Variants in BRD10 observed in about 807,000 individuals in gnomAD.
BRD10 encodes the protein uncharacterized bromodomain-containing protein 10.
the BRD10 span, among the ~76,000 whole-genome samples, chr9:5,976,827 A>G: frequency 2.6e-5 from 4 of 152,158 alleles, no homozygotes; most frequent in East Asian, 7.7e-4. Context: ...CATGACTAAC[A>G]TCAATGAAAT....
At chr9:5,948,918 TATC>T in the BRD10 span, among the ~76,000 whole-genome samples, 5 of 152,124 alleles carry the variant, frequency 3.3e-5, no homozygotes, top group African/African-American at 9.7e-5. Context: ...TTTTATTTCT[TATC>T]ATCACCATAC....
the BRD10 span, chr9:6,008,328 C>T: frequency 3.0e-6 from 3 of 984,816 alleles, no homozygotes; most frequent in Admixed American, 1.8e-4. Flanking sequence ...CGGGGCCCGG[C>T]GACAACTGTC....
the BRD10 span, among the ~76,000 whole-genome samples, chr9:5,957,406 T>C: frequency 6.6e-6 from 1 of 152,112 alleles, no homozygotes; most frequent in African/African-American, 2.4e-5. Flanking sequence ...AAGCTCCAAG[T>C]GACATACTGC....
the BRD10 span, among the ~76,000 whole-genome samples, chr9:5,943,612 T>C: frequency 1.3e-5 from 2 of 150,240 alleles, no homozygotes; most frequent in Non-Finnish European, 3.0e-5. Context: ...ATTTGAGGAA[T>C]ATATCACAGC....
chr9:6,000,941 G>C, the BRD10 span, among the ~76,000 whole-genome samples: 1 of 152,076 alleles, frequency 6.6e-6, no homozygotes, highest in African/African-American at 2.4e-5. Context: ...CCTTCAGCAA[G>C]TTACCCTCTA....
the BRD10 span, among the ~76,000 whole-genome samples, chr9:5,944,386 TA>T: frequency 2.0e-5 from 3 of 151,244 alleles, no homozygotes; most frequent in Non-Finnish European, 3.0e-5. Flanking sequence ...TAGTGAAAGT[TA>T]AAAAAAAACT....
At chr9:5,933,988 G>A in the BRD10 span, 2 of 338,280 alleles carry the variant, frequency 5.9e-6, no homozygotes, top group African/African-American at 4.2e-5. Context: ...ATTAAACTTA[G>A]GTGAAAGTCA....
chr9:5,966,376 T>G, the BRD10 span, among the ~76,000 whole-genome samples: 1 of 151,338 alleles, frequency 6.6e-6, no homozygotes, highest in Non-Finnish European at 1.5e-5. Context: ...ACAATTATAT[T>G]AATAATATAC....
chr9:5,919,062 G>C, the BRD10 span: 30 of 152,614 alleles, frequency 2.0e-4, no homozygotes, highest in African/African-American at 6.0e-4. Flanking sequence ...CTTCTGCATT[G>C]TTGCTAACAG....
the BRD10 span, among the ~76,000 whole-genome samples, chr9:5,991,025 C>G: frequency 6.6e-6 from 1 of 152,084 alleles, no homozygotes; most frequent in African/African-American, 2.4e-5. Context: ...GGAAGAGCAT[C>G]CATCCATTAA....
the BRD10 span, among the ~76,000 whole-genome samples, chr9:5,880,077 G>A: frequency 6.6e-6 from 1 of 151,432 alleles, no homozygotes; most frequent in Non-Finnish European, 1.5e-5. Flanking sequence ...ACAGCACCAT[G>A]CCCAGCTAAC....
chr9:5,973,178 C>T, the BRD10 span, among the ~76,000 whole-genome samples: 1 of 152,182 alleles, frequency 6.6e-6, no homozygotes, highest in Non-Finnish European at 1.5e-5. Context: ...AAATACATGA[C>T]AACAACAGTT....
chr9:5,958,607 GAGATCCTGTCTCTCAGGGAGGGAT>G, the BRD10 span, among the ~76,000 whole-genome samples: 1 of 152,094 alleles, frequency 6.6e-6, no homozygotes, highest in African/African-American at 2.4e-5. Context: ...GCAACATAGC[GAGATCCTGTCTCTCAGGGAGGGAT>G]AGGAGGAAGA....
chr9:5,998,667 A>G, the BRD10 span, among the ~76,000 whole-genome samples: 1 of 152,088 alleles, frequency 6.6e-6, no homozygotes. Flanking sequence ...GAGATAAAAA[A>G]GGGTTTAAAT....
chr9:6,000,811 A>C, the BRD10 span, among the ~76,000 whole-genome samples: 2 of 152,110 alleles, frequency 1.3e-5, no homozygotes, highest in African/African-American at 4.8e-5. Context: ...TCATAACCCT[A>C]ATCTTTTTTC....
At chr9:5,988,222 C>G in the BRD10 span, 2 of 665,960 alleles carry the variant, frequency 3.0e-6, no homozygotes, top group Non-Finnish European at 5.1e-6. Context: ...TGCGATATTT[C>G]ATTATGAATT....
chr9:5,908,822 T>C, the BRD10 span: 1 of 956,418 alleles, frequency 1.0e-6, no homozygotes. Context: ...ATGCAAGCCA[T>C]CTCTAATAAT....
At chr9:5,970,125 A>G in the BRD10 span, among the ~76,000 whole-genome samples, 1 of 152,340 alleles carries the variant, frequency 6.6e-6, no homozygotes, top group South Asian at 2.1e-4. Context: ...ATTCCTAGAA[A>G]GTTATACTAA....
the BRD10 span, among the ~76,000 whole-genome samples, chr9:5,980,771 A>G: frequency 6.6e-6 from 1 of 152,214 alleles, no homozygotes; most frequent in African/African-American, 2.4e-5. Flanking sequence ...GATGTCCATC[A>G]GATACCAGAT....
Sources: gnomAD v4.1 joint callset for allele counts (sites outside exome capture counted in the v4.1 genomes callset) on GRCh38, gnomAD v4.1.1 for gene constraint, MANE v1.5 for transcripts, NCBI Gene and HGNC (gene_info 2026-07-23, HGNC 2026-07-21) for gene names.